ABCA1: variants seen among roughly 807,000 people sequenced by gnomAD.
The protein encoded by ABCA1 is ATP binding cassette subfamily A member 1.
ABCA1 carries 133 observed loss-of-function variants against 262.5 expected under a neutral mutation model. That is an observed-to-expected ratio of 0.51 (90% CI 0.44 to 0.59). The LOEUF is 0.59. Ranked by LOEUF, ABCA1 falls within the 20% of genes least tolerant of loss-of-function variation. The pLI is 0.00. For synonymous variants in ABCA1, 1,022 were observed against 1,043.5 expected (o/e 0.98, Z 0.40); for missense variants, 2,452 against 2,777.5 (o/e 0.88, Z 2.63).
intron 5 of ABCA1, among the ~76,000 whole-genome samples, chr9:104,874,192 GTA>G (rs1298517937): frequency 6.6e-6 from 1 of 152,198 alleles, no homozygotes; most frequent in Non-Finnish European, 1.5e-5. Flanking sequence ...GTAAAATCCA[GTA>G]TAACCCTGGG....
At position 104,824,499 on chromosome 9, in the gene ABCA1, G is replaced by A. The variant is rs1276311139; in HGVS notation, c.2622C>T (p.Ser874=). 1 of 1,614,114 alleles carries A rather than the reference G, an allele frequency of 6.2e-7. No homozygotes were observed. The highest frequency in any genetic ancestry group is 1.3e-5 in the African/African-American group (1 of 75,014). Residue 874 remains serine (S), a synonymous_variant, in exon 18 of 50, where the codon AGC becomes AGT. Transcript: ENST00000374736. Reference sequence around the variant, plus strand: ...TTCTCTTCTGGTTGGAACCAGGGTGGCTCTTCTCATCACTTTCCTCGCCAA... The same window carrying A: ...TTCTCTTCTGGTTGGAACCAGGGTGACTCTTCTCATCACTTTCCTCGCCAA... The part of the protein sequence containing the change: ...YWFGEESDEK[S]HPGSNQKRIS...
At chr9:104,811,078 G>A (rs1332726505) in intron 28 of ABCA1, among the ~76,000 whole-genome samples, 154 bp from the exon 29 acceptor site, 1 of 152,260 alleles carries the variant, frequency 6.6e-6, no homozygotes, top group Non-Finnish European at 1.5e-5. Context: ...GCTGCACCAA[G>A]GCATTCTTGG....
At chr9:104,846,472 T>C (rs1191844348) in intron 7 of ABCA1, among the ~76,000 whole-genome samples, 1 of 152,238 alleles carries the variant, frequency 6.6e-6, no homozygotes, top group African/African-American at 2.4e-5. Context: ...ATTTTGACAT[T>C]TGTCATATCA....
intron 11 of ABCA1, among the ~76,000 whole-genome samples, chr9:104,834,542 G>A (rs926641821): frequency 6.7e-6 from 1 of 148,738 alleles, no homozygotes; most frequent in Admixed American, 6.8e-5. Flanking sequence ...GGTGAAGTCG[G>A]CCCTGCCCAG....
intron 5 of ABCA1, among the ~76,000 whole-genome samples, chr9:104,862,646 GGCCGGGCCGGGCCGGGCCGGGCC>G (rs1836577425): frequency 6.9e-4 from 2 of 2,902 alleles, no homozygotes; most frequent in African/African-American, 3.2e-3. Flanking sequence ...GGCCGGGCCG[GGCCGGGCCGGGCCGGGCCGGGCC>G]GGGCCGGGCC....
intron 49 of ABCA1, among the ~76,000 whole-genome samples, chr9:104,785,092 T>C (rs759799310): frequency 4.6e-5 from 7 of 152,190 alleles, no homozygotes; most frequent in South Asian, 4.1e-4. Context: ...ATTTGGTACT[T>C]TTTTATCTAA....
At position 104,889,076 on chromosome 9, in the gene ABCA1, C is replaced by T. The variant is rs150520154; in HGVS notation, c.160+26G>A. On this transcript the variant is annotated intron_variant, in intron 3 of 49. Transcript: ENST00000374736. Reference sequence around the variant, plus strand: ...TGGATTTTCCCTGCCATTGGTGAGTCTCAGGCAACATCCACAGTTACTTAC... The same window carrying T: ...TGGATTTTCCCTGCCATTGGTGAGTTTCAGGCAACATCCACAGTTACTTAC... 0.016 allele frequency: 25,706 copies of T among 1,601,568 alleles called. 284 individuals are homozygous for T. The highest frequency in any genetic ancestry group is 0.027 in the South Asian group (2,417 of 90,834).
intron 5 of ABCA1, among the ~76,000 whole-genome samples, chr9:104,868,205 C>T (rs1291111610): frequency 6.6e-6 from 1 of 152,022 alleles, no homozygotes; most frequent in African/African-American, 2.4e-5. Flanking sequence ...ACTAAAAATA[C>T]AAAATTAGCC....
At chr9:104,879,460 G>T (rs80233998) in intron 5 of ABCA1, among the ~76,000 whole-genome samples, 5,417 of 152,266 alleles carry the variant, frequency 0.036, 309 homozygotes, top group African/African-American at 0.12. Context: ...AAAGAGAGTT[G>T]TTTATCACAT....
At chr9:104,868,504 C>T (rs1223116012) in intron 5 of ABCA1, among the ~76,000 whole-genome samples, 1 of 152,220 alleles carries the variant, frequency 6.6e-6, no homozygotes, top group Non-Finnish European at 1.5e-5. Context: ...ACCTCTGTCA[C>T]AGGATGCGGA....
At chr9:104,889,359 A>G (rs1839503547) in intron 2 of ABCA1, 164 bp from the exon 3 acceptor site, 1 of 985,096 alleles carries the variant, frequency 1.0e-6, no homozygotes, top group Non-Finnish European at 1.2e-6. Context: ...TGGAGTCCCA[A>G]CCTTTTAACA....
rs541643224 is a variant in ABCA1, at chr9:104,792,634, G to T, written c.5757+152C>A. 5.6e-5 allele frequency: 51 copies of T among 907,406 alleles called. No individual in the cohort carries two copies. The South Asian group carries it at 7.8e-4, about 14-fold the overall frequency. The allele number at this position is 907,406 out of a possible 1,614,324, so 56.2% of individuals were successfully genotyped here. A position where few individuals can be genotyped will look rare whatever the true frequency, so the allele number is the denominator to read the frequency against. On this transcript the variant is annotated intron_variant, in intron 42 of 49. Coordinates refer to ENST00000374736, the MANE Select transcript of ABCA1 (RefSeq NM_005502.4). ...AAGAATTCTTTAAGAAGTCTCCATG[G>T]TGTTTTTAAAATAAAATTGACAGAA...
At chr9:104,871,351 T>G (rs1053738087) in intron 5 of ABCA1, among the ~76,000 whole-genome samples, 3 of 152,076 alleles carry the variant, frequency 2.0e-5, no homozygotes, top group African/African-American at 7.2e-5. Flanking sequence ...AGAAACAGAA[T>G]AAGACAATAC....
intron 7 of ABCA1, among the ~76,000 whole-genome samples, chr9:104,851,778 G>A (rs1835402029): frequency 6.6e-6 from 1 of 152,226 alleles, no homozygotes; most frequent in African/African-American, 2.4e-5. Flanking sequence ...CTGGGCCAGA[G>A]CATGGCACTG....
At chr9:104,841,330 C>T (rs1433762197) in intron 8 of ABCA1, among the ~76,000 whole-genome samples, 1 of 151,946 alleles carries the variant, frequency 6.6e-6, no homozygotes, top group Non-Finnish European at 1.5e-5. Context: ...ATCCCAGCTA[C>T]TGGGGAGGCT....
chr9:104,853,004 T>C (rs1347697524), intron 7 of ABCA1, among the ~76,000 whole-genome samples: 2 of 152,166 alleles, frequency 1.3e-5, no homozygotes. Flanking sequence ...TAAAGACCCC[T>C]CAAGACAAGG....
intron 8 of ABCA1, among the ~76,000 whole-genome samples, chr9:104,843,330 C>T (rs1477308841): frequency 1.3e-5 from 2 of 152,214 alleles, no homozygotes; most frequent in African/African-American, 4.8e-5. Flanking sequence ...CCTGTCCTCC[C>T]TTCCCATCAC....
intron 1 of ABCA1, among the ~76,000 whole-genome samples, chr9:104,924,466 C>T (rs988913248): frequency 1.3e-4 from 19 of 151,806 alleles, no homozygotes; most frequent in African/African-American, 2.2e-4. Context: ...AAAAACTAGC[C>T]GGGTGTGGTG....
intron 27 of ABCA1, 68 bp downstream of exon 27, chr9:104,814,050 A>G (rs1831511425): frequency 1.1e-5 from 16 of 1,512,754 alleles, no homozygotes; most frequent in Admixed American, 1.7e-5. Context: ...CAAAGAAAAC[A>G]GGTGAGAGCA....
Sources: allele counts gnomAD v4.1 joint callset (sites outside exome capture counted in the v4.1 genomes callset), GRCh38; gene constraint gnomAD v4.1.1; transcripts MANE v1.5; gene names NCBI Gene and HGNC (gene_info 2026-07-23, HGNC 2026-07-21).